Variants in GPHN observed in about 807,000 individuals in gnomAD.
The protein encoded by GPHN is gephyrin.
A neutral mutation model predicts 95.5 loss-of-function variants in GPHN; 17 were observed. That is an observed-to-expected ratio of 0.18 (90% CI 0.12 to 0.27). GPHN has a LOEUF of 0.27. Among genes scored for constraint, GPHN ranks in the 10% least tolerant of loss-of-function variants. The pLI is 1.00. For synonymous variants in GPHN, 320 were observed against 322.5 expected, an observed-to-expected ratio of 0.99 and a Z score of 0.08; for missense variants, 660 against 978.1, an observed-to-expected ratio of 0.67 and a Z score of 4.34.
intron 12 of GPHN, among the ~76,000 whole-genome samples, chr14:67,098,118 A>G (rs1400727315): frequency 2.6e-5 from 4 of 152,098 alleles, no homozygotes; most frequent in Admixed American, 1.3e-4. Context: ...CGTTGTGCAC[A>G]TGTACCCTAA....
At chr14:66,893,480 G>C (rs1050897207) in intron 5 of GPHN, among the ~76,000 whole-genome samples, 22 of 152,228 alleles carry the variant, frequency 1.4e-4, no homozygotes, top group African/African-American at 4.8e-4. Flanking sequence ...TCTCACCACT[G>C]CTATTCAACA....
chr14:67,480,741 G>C, the GPHN span, among the ~76,000 whole-genome samples: 1 of 152,164 alleles, frequency 6.6e-6, no homozygotes, highest in Admixed American at 6.5e-5. Flanking sequence ...GCAGCAGCCT[G>C]ACATGACTGT....
At chr14:67,043,366 C>G (rs2074820988) in intron 10 of GPHN, among the ~76,000 whole-genome samples, 1 of 152,020 alleles carries the variant, frequency 6.6e-6, no homozygotes. Context: ...TGGCTGTGGG[C>G]TTGTCATAAA....
intron 9 of GPHN, among the ~76,000 whole-genome samples, chr14:66,988,357 G>A (rs566425257): frequency 6.6e-6 from 1 of 152,068 alleles, no homozygotes; most frequent in South Asian, 2.1e-4. Context: ...TATTGGTCAT[G>A]TCTTCTACCC....
chr14:67,315,809 CA>C, the GPHN span, among the ~76,000 whole-genome samples: 1 of 152,188 alleles, frequency 6.6e-6, no homozygotes, highest in Non-Finnish European at 1.5e-5. Context: ...CCTGTAATCC[CA>C]GCTGCTCGGG....
the GPHN span, among the ~76,000 whole-genome samples, chr14:67,254,933 G>A: frequency 6.6e-6 from 1 of 152,174 alleles, no homozygotes; most frequent in East Asian, 1.9e-4. Context: ...GGCAGATCAC[G>A]AGGTCAAGAG....
intron 3 of GPHN, among the ~76,000 whole-genome samples, chr14:66,799,745 T>C (rs754299538): frequency 7.1e-4 from 108 of 152,148 alleles, no homozygotes; most frequent in Admixed American, 1.2e-3. Context: ...TCAATAGGTC[T>C]TGTTTTTCCA....
At chr14:67,732,869 C>T in the GPHN span, among the ~76,000 whole-genome samples, 1 of 152,180 alleles carries the variant, frequency 6.6e-6, no homozygotes, top group East Asian at 1.9e-4. Flanking sequence ...GTGTGAGCCA[C>T]CGTGCCCAGC....
At chr14:67,627,950 T>C in the GPHN span, among the ~76,000 whole-genome samples, 1 of 152,232 alleles carries the variant, frequency 6.6e-6, no homozygotes, top group Non-Finnish European at 1.5e-5. Flanking sequence ...AAAGTCACTC[T>C]GATATGTATT....
rs562218535 is a variant in GPHN at position 66,825,403 on chromosome 14, G to A, written c.294+837G>A. 4.6e-5 allele frequency among the ~76,000 whole-genome samples: 7 copies of A among 152,052 alleles called. No homozygotes were observed. In the South Asian group the frequency reaches 1.2e-3, roughly 27 times the overall value. On this transcript the variant is annotated intron_variant, in intron 4 of 22. Coordinates refer to ENST00000478722, the MANE Select transcript of GPHN (RefSeq NM_020806.5). ...TATTAACATTCCACAAGGTACTTTT[G>A]CTCTGCATCTATTAAATAATTACTG...
chr14:67,549,243 G>A, the GPHN span, among the ~76,000 whole-genome samples: 18 of 151,730 alleles, frequency 1.2e-4, no homozygotes, highest in Admixed American at 9.2e-4. Flanking sequence ...GGGTGTGTGT[G>A]CGTGTGTGTG....
intron 8 of GPHN, among the ~76,000 whole-genome samples, chr14:66,933,872 C>G (rs989400402): frequency 2.6e-5 from 4 of 152,114 alleles, no homozygotes; most frequent in Non-Finnish European, 5.9e-5. Context: ...GGTGCAGTTT[C>G]TCATGCCTGT....
At chr14:67,372,310 G>C in the GPHN span, among the ~76,000 whole-genome samples, 3 of 152,146 alleles carry the variant, frequency 2.0e-5, no homozygotes, top group African/African-American at 7.2e-5. Context: ...AGCTTAAAAT[G>C]AATCATAGAT....
chr14:66,832,016 G>A (rs2061599953), intron 4 of GPHN, among the ~76,000 whole-genome samples: 1 of 152,076 alleles, frequency 6.6e-6, no homozygotes, highest in Admixed American at 6.6e-5. Context: ...GCATGTTGTT[G>A]CATGGCTGTG....
the GPHN span, chr14:67,221,859 G>A: frequency 6.3e-7 from 1 of 1,599,726 alleles, no homozygotes; most frequent in Non-Finnish European, 8.5e-7. Context: ...GTATTCAGTA[G>A]TCATCTCTGG....
At chr14:66,831,436 A>G (rs895031617) in intron 4 of GPHN, among the ~76,000 whole-genome samples, 3 of 152,184 alleles carry the variant, frequency 2.0e-5, no homozygotes, top group African/African-American at 7.2e-5. Flanking sequence ...TAAATTTAAT[A>G]AAATGTTCCA....
intron 9 of GPHN, among the ~76,000 whole-genome samples, chr14:66,983,321 T>C (rs570217651): frequency 4.6e-5 from 7 of 152,224 alleles, no homozygotes; most frequent in Non-Finnish European, 7.3e-5. Flanking sequence ...TACCCCACTA[T>C]AACTGATGAT....
At chr14:66,834,336 AAAAATTACAGGTAC>A in intron 4 of GPHN, among the ~76,000 whole-genome samples, 1 of 152,330 alleles carries the variant, frequency 6.6e-6, no homozygotes, top group Admixed American at 6.5e-5. Context: ...GTGCCAGTAT[AAAAATTACAGGTAC>A]AAAATTAGAC....
chr14:66,837,469 A>T (rs912601759), intron 4 of GPHN, among the ~76,000 whole-genome samples: 1 of 145,048 alleles, frequency 6.9e-6, no homozygotes, highest in African/African-American at 2.5e-5. Flanking sequence ...GGGGAGGGAT[A>T]GCATTGGGAG....
Sources: gnomAD v4.1 joint callset for allele counts (sites outside exome capture counted in the v4.1 genomes callset) on GRCh38, gnomAD v4.1.1 for gene constraint, MANE v1.5 for transcripts, NCBI Gene and HGNC (gene_info 2026-07-23, HGNC 2026-07-21) for gene names.